The following ERC1 variants were observed in gnomAD, a reference collection of about 807,000 sequenced individuals.
The protein encoded by ERC1 is ELKS/RAB6-interacting/CAST family member 1, also known as RAB6 interacting protein 2.
Under a neutral mutation model 132.0 loss-of-function variants are expected in ERC1, and 56 were observed. The ratio of observed to expected loss-of-function variants is 0.42; its 90% confidence interval spans 0.34 to 0.53. ERC1 has a LOEUF of 0.53. ERC1 is among the 20% of genes least tolerant of loss of function. The pLI is 0.03. For missense variants in ERC1, 1,202 were observed against 1,349.9 expected, an observed-to-expected ratio of 0.89 and a Z score of 1.72; for synonymous variants, 478 against 476.1, an observed-to-expected ratio of 1.00 and a Z score of -0.05.
chr12:1,490,786 C>A lies in ERC1; in HGVS notation c.*556C>A. The A allele has an allele frequency of 4.3e-6, 1 of 233,948 alleles. No individual in the cohort carries two copies. The highest frequency in any genetic ancestry group is 8.4e-6 in the Non-Finnish European group (1 of 118,520). 14.5% of individuals were successfully genotyped at this position (233,948 alleles called of 1,614,324 possible). ...TTTTACTGTCTCTTCTGCTTACTTT[C>A]CACATGAGATGCTTTGTACCGGGGA... On this transcript the variant is annotated 3_prime_UTR_variant, in exon 19 of 19. Coordinates refer to ENST00000360905, the MANE Select transcript of ERC1 (RefSeq NM_178040.4).
At position 1,367,907 on chromosome 12, in the gene ERC1, G is replaced by A. The variant is rs374698439; in HGVS notation, c.2781-3926G>A. Among the ~76,000 whole-genome samples the A allele has an allele frequency of 2.9e-4, 44 of 151,520 alleles. 1 individual carries two copies. The highest frequency in any genetic ancestry group is 9.7e-4 in the African/African-American group (40 of 41,288). Reference sequence around the variant, plus strand: ...TAATGTGCATGTTGGTCATGTGGGCGGGGGGATTACTAATACTTTGAAAGG... The same window carrying A: ...TAATGTGCATGTTGGTCATGTGGGCAGGGGGATTACTAATACTTTGAAAGG... On this transcript the variant is annotated intron_variant, in intron 15 of 18. Coordinates refer to ENST00000360905, the MANE Select transcript of ERC1 (RefSeq NM_178040.4).
chr12:1,160,926 A>G (rs1951826902), intron 8 of ERC1, among the ~76,000 whole-genome samples: 1 of 152,086 alleles, frequency 6.6e-6, no homozygotes, highest in African/African-American at 2.4e-5. Context: ...ATACCTTGAT[A>G]GTGAACCACC....
chr12:1,359,139 G>A (rs1415124561), intron 15 of ERC1, among the ~76,000 whole-genome samples: 1 of 152,232 alleles, frequency 6.6e-6, no homozygotes, highest in East Asian at 1.9e-4. Flanking sequence ...AAGCATAACA[G>A]CTTCAGGGAA....
chr12:1,040,766 C>A (rs962436064), intron 2 of ERC1, among the ~76,000 whole-genome samples: 1 of 152,094 alleles, frequency 6.6e-6, no homozygotes, highest in Non-Finnish European at 1.5e-5. Flanking sequence ...TACTGGATTG[C>A]AGTGACACTT....
chr12:995,809 G>A (rs188058643), intron 1 of ERC1, among the ~76,000 whole-genome samples: 4 of 152,084 alleles, frequency 2.6e-5, no homozygotes, highest in African/African-American at 4.8e-5. Flanking sequence ...TTCTAGATAC[G>A]TGAGGGGAAA....
At chr12:1,325,527 G>A (rs779779258) in intron 15 of ERC1, among the ~76,000 whole-genome samples, 13 of 152,056 alleles carry the variant, frequency 8.5e-5, no homozygotes, top group Non-Finnish European at 1.2e-4. Flanking sequence ...TATGAATGAG[G>A]CATGTTTCAT....
At chr12:1,336,124 C>T (rs1010239322) in intron 15 of ERC1, among the ~76,000 whole-genome samples, 1 of 151,884 alleles carries the variant, frequency 6.6e-6, no homozygotes, top group Non-Finnish European at 1.5e-5. Flanking sequence ...TTTGTTATTT[C>T]TAATCGTGTT....
intron 16 of ERC1, among the ~76,000 whole-genome samples, chr12:1,372,456 CT>C (rs1310235797): frequency 6.6e-6 from 1 of 152,156 alleles, no homozygotes; most frequent in Non-Finnish European, 1.5e-5. Flanking sequence ...CATGTAACAC[CT>C]TTTGTTTGTG....
intron 2 of ERC1, among the ~76,000 whole-genome samples, chr12:1,068,375 A>G (rs1032148500): frequency 6.6e-6 from 1 of 152,216 alleles, no homozygotes; most frequent in African/African-American, 2.4e-5. Context: ...GTATGAAATT[A>G]TCTTGGAGAT....
chr12:1,150,305 C>T (rs1405032561), intron 8 of ERC1, among the ~76,000 whole-genome samples: 4 of 152,202 alleles, frequency 2.6e-5, no homozygotes, highest in Admixed American at 6.5e-5. Context: ...TCAGAGGCTT[C>T]TCCTGATAGC....
At chr12:1,486,960 A>T (rs1043835336) in intron 18 of ERC1, among the ~76,000 whole-genome samples, 1 of 152,174 alleles carries the variant, frequency 6.6e-6, no homozygotes, top group Admixed American at 6.5e-5. Flanking sequence ...CCTGGGAAGG[A>T]TCCAGCTGGA....
At chr12:1,098,293 G>A (rs1191453557) in intron 3 of ERC1, among the ~76,000 whole-genome samples, 1 of 152,208 alleles carries the variant, frequency 6.6e-6, no homozygotes, top group Non-Finnish European at 1.5e-5. Flanking sequence ...GTCAAAGTGA[G>A]AAGTATAATG....
At chr12:1,398,486 C>A (rs1309959839) in intron 16 of ERC1, among the ~76,000 whole-genome samples, 1 of 152,174 alleles carries the variant, frequency 6.6e-6, no homozygotes, top group Non-Finnish European at 1.5e-5. Context: ...AGACTGAGAT[C>A]TGTAATCTTA....
intron 16 of ERC1, among the ~76,000 whole-genome samples, chr12:1,393,453 G>C (rs770918313): frequency 6.6e-6 from 1 of 152,168 alleles, no homozygotes; most frequent in Non-Finnish European, 1.5e-5. Flanking sequence ...AAGATCGCTT[G>C]AGCCCAGGTG....
chr12:1,435,901 C>T (rs2092933461), intron 17 of ERC1, among the ~76,000 whole-genome samples: 1 of 152,112 alleles, frequency 6.6e-6, no homozygotes, highest in South Asian at 2.1e-4. Context: ...TAATAGCTAA[C>T]TCTTCTTCCC....
intron 1 of ERC1, among the ~76,000 whole-genome samples, chr12:1,019,550 G>A (rs1966016284): frequency 6.6e-6 from 1 of 152,140 alleles, no homozygotes; most frequent in South Asian, 2.1e-4. Flanking sequence ...CGGTGAAAAA[G>A]GCCAATGACA....
intron 8 of ERC1, among the ~76,000 whole-genome samples, chr12:1,168,378 C>T (rs1446377185): frequency 6.6e-6 from 1 of 151,998 alleles, no homozygotes; most frequent in Non-Finnish European, 1.5e-5. Flanking sequence ...CCCGCGTCAG[C>T]CTTATGAAGT....
chr12:1,112,421 G>A, intron 6 of ERC1, 123 bp downstream of exon 6: 1 of 637,122 alleles, frequency 1.6e-6, no homozygotes. Context: ...CCCATTACTA[G>A]CACTAACCAG....
intron 17 of ERC1, among the ~76,000 whole-genome samples, chr12:1,430,109 G>T (rs113871805): frequency 6.6e-6 from 1 of 152,244 alleles, no homozygotes; most frequent in African/African-American, 2.4e-5. Flanking sequence ...CTATTGGAAG[G>T]AACCTTCCGT....
Sources: gnomAD v4.1 joint callset for allele counts (sites outside exome capture counted in the v4.1 genomes callset) on GRCh38, gnomAD v4.1.1 for gene constraint, MANE v1.5 for transcripts, NCBI Gene and HGNC (gene_info 2026-07-23, HGNC 2026-07-21) for gene names.